Variants in ANKRD13C observed in about 807,000 individuals in gnomAD.
ANKRD13C encodes the protein ankyrin repeat domain-containing protein 13C.
A neutral mutation model predicts 65.5 loss-of-function variants in ANKRD13C; 16 were observed. That is an observed-to-expected ratio of 0.24 (90% CI 0.17 to 0.37). The LOEUF (loss-of-function observed/expected upper bound fraction) is 0.37. ANKRD13C is among the 10% of genes least tolerant of loss of function. The pLI, the probability that ANKRD13C is intolerant of heterozygous loss-of-function variation, is 1.00. For synonymous variants in ANKRD13C, 235 were observed against 238.7 expected (o/e 0.98, Z 0.14); for missense variants, 503 against 655.9 (o/e 0.77, Z 2.55).
At chr1:70,307,527 T>C (rs1474270919) in intron 5 of ANKRD13C, among the ~76,000 whole-genome samples, 1 of 152,202 alleles carries the variant, frequency 6.6e-6, no homozygotes, top group Non-Finnish European at 1.5e-5. Context: ...TAATGCAAAA[T>C]GACTTCCAGC....
chr1:70,296,232 C>T lies in ANKRD13C; in HGVS notation c.951G>A (p.Val317=). Residue 317 remains valine (V), a synonymous_variant, in exon 8 of 13, where the codon GTG becomes GTA. Transcript: ENST00000370944. ...EESEMETEEE[V]DILMSSDIYS... Reference sequence around the variant, plus strand: ...AAATATCACTGCTCATTAAAATATCCACCTCTTCTTCTGTTTCCATCTCTG... The same window carrying T: ...AAATATCACTGCTCATTAAAATATCTACCTCTTCTTCTGTTTCCATCTCTG... 6.2e-7 allele frequency: 1 copy of T among 1,613,386 alleles called. No individual in the cohort carries two copies.
chr1:70,340,940 G>A (rs1281924457), intron 1 of ANKRD13C, among the ~76,000 whole-genome samples: 1 of 152,010 alleles, frequency 6.6e-6, no homozygotes, highest in African/African-American at 2.4e-5. Context: ...GTGAAACCCC[G>A]TCTCTACTAA....
chr1:70,262,940 ATG>A, intron 12 of ANKRD13C, 93 bp from the exon 13 acceptor site: 3 of 869,598 alleles, frequency 3.4e-6, no homozygotes, highest in African/African-American at 1.8e-5. Context: ...ACTCCTTAAA[ATG>A]TAAAAAAAAA....
intron 9 of ANKRD13C, among the ~76,000 whole-genome samples, chr1:70,283,440 T>G (rs1458311863): frequency 1.3e-5 from 2 of 152,196 alleles, no homozygotes; most frequent in African/African-American, 2.4e-5. Context: ...ATTATTCTAA[T>G]ATTTTATATG....
At chr1:70,335,799 T>A (rs899555534) in intron 2 of ANKRD13C, among the ~76,000 whole-genome samples, 2 of 151,264 alleles carry the variant, frequency 1.3e-5, no homozygotes, top group African/African-American at 4.8e-5. Context: ...AAATTCCTGC[T>A]TGATAAAACA....
At chr1:70,297,689 G>A (rs1680150486) in intron 7 of ANKRD13C, among the ~76,000 whole-genome samples, 1 of 149,860 alleles carries the variant, frequency 6.7e-6, no homozygotes, top group Non-Finnish European at 1.5e-5. Context: ...GCCAAGGCAG[G>A]TGGATCACGA....
chr1:70,288,848 T>C (rs1679736997), intron 9 of ANKRD13C, among the ~76,000 whole-genome samples: 3 of 152,160 alleles, frequency 2.0e-5, no homozygotes, highest in Admixed American at 2.0e-4. Flanking sequence ...CTCGCCATGA[T>C]ACTGTTCTAT....
chr1:70,345,979 C>T (rs899043625), intron 1 of ANKRD13C, among the ~76,000 whole-genome samples: 2 of 151,490 alleles, frequency 1.3e-5, no homozygotes, highest in African/African-American at 2.4e-5. Context: ...TTTTCTAATA[C>T]TTTTTTTTTC....
chr1:70,353,806 C>T (rs1682860534), intron 1 of ANKRD13C, among the ~76,000 whole-genome samples, 173 bp downstream of exon 1: 1 of 152,120 alleles, frequency 6.6e-6, no homozygotes, highest in African/African-American at 2.4e-5. Context: ...CCACAAGAAC[C>T]AACCCCTTGA....
chr1:70,267,887 C>T (rs1022377130), intron 12 of ANKRD13C, among the ~76,000 whole-genome samples: 1 of 152,094 alleles, frequency 6.6e-6, no homozygotes, highest in Non-Finnish European at 1.5e-5. Flanking sequence ...GTGAAGTAAA[C>T]TTATCTCCCT....
At chr1:70,308,664 A>G (rs1245615137) in intron 5 of ANKRD13C, among the ~76,000 whole-genome samples, 5 of 149,396 alleles carry the variant, frequency 3.3e-5, no homozygotes, top group Non-Finnish European at 5.9e-5. Flanking sequence ...GCGTGAACCC[A>G]GGAGGCGGAA....
At chr1:70,291,992 C>T (rs1168746352) in intron 9 of ANKRD13C, among the ~76,000 whole-genome samples, 1 of 151,310 alleles carries the variant, frequency 6.6e-6, no homozygotes, top group Non-Finnish European at 1.5e-5. Context: ...GGTAGCAGGG[C>T]CTGTAATCCC....
At chr1:70,339,608 C>A (rs1428475982) in intron 1 of ANKRD13C, among the ~76,000 whole-genome samples, 1 of 151,828 alleles carries the variant, frequency 6.6e-6, no homozygotes, top group African/African-American at 2.4e-5. Context: ...AGTGAGCCAC[C>A]GCGCTCGGCC....
chr1:70,283,672 G>A (rs1010835871), intron 9 of ANKRD13C, among the ~76,000 whole-genome samples: 5 of 151,922 alleles, frequency 3.3e-5, no homozygotes, highest in Admixed American at 6.6e-5. Flanking sequence ...AAAATTAGCC[G>A]GGTGTGGTGC....
intron 2 of ANKRD13C, among the ~76,000 whole-genome samples, chr1:70,331,924 A>T (rs1255835914): frequency 6.6e-6 from 1 of 152,030 alleles, no homozygotes; most frequent in Non-Finnish European, 1.5e-5. Context: ...TATAAAAAAT[A>T]TCAACAGACT....
At chr1:70,300,937 T>C (rs1334968974) in intron 6 of ANKRD13C, 29 bp from the exon 7 acceptor site, 1 of 1,584,642 alleles carries the variant, frequency 6.3e-7, no homozygotes, top group Non-Finnish European at 8.5e-7. Flanking sequence ...TGATAAACTC[T>C]GACAAATATA....
At chr1:70,325,005 A>C in intron 2 of ANKRD13C, 48 bp from the exon 3 acceptor site, 1 of 1,272,278 alleles carries the variant, frequency 7.9e-7, no homozygotes, top group Non-Finnish European at 1.1e-6. Flanking sequence ...AATTTTTAGA[A>C]TCTCTAAATA....
intron 2 of ANKRD13C, among the ~76,000 whole-genome samples, chr1:70,325,396 A>C (rs1284145986): frequency 6.6e-6 from 1 of 152,204 alleles, no homozygotes; most frequent in African/African-American, 2.4e-5. Flanking sequence ...TTTCAATAAG[A>C]GTCAGTAATG....
chr1:70,268,687 T>C (rs1259625214), intron 12 of ANKRD13C, among the ~76,000 whole-genome samples: 3 of 151,990 alleles, frequency 2.0e-5, no homozygotes, highest in African/African-American at 7.3e-5. Context: ...CATCTGCGCT[T>C]AGGTTGTAGG....
Sources: gnomAD v4.1 joint callset for allele counts (sites outside exome capture counted in the v4.1 genomes callset) on GRCh38, gnomAD v4.1.1 for gene constraint, MANE v1.5 for transcripts, NCBI Gene and HGNC (gene_info 2026-07-23, HGNC 2026-07-21) for gene names.